CDYL2: variants seen among roughly 807,000 people sequenced by gnomAD.
The protein encoded by CDYL2 is chromodomain Y like 2.
In CDYL2, 23 loss-of-function variants were observed where a neutral mutation model predicts 49.4. The ratio of observed to expected loss-of-function variants is 0.47; its 90% CI spans 0.34 to 0.66. The LOEUF (loss-of-function observed/expected upper bound fraction) is 0.66, where lower values mean the gene tolerates loss of function less well. Among genes scored for constraint, CDYL2 ranks in the 30% least tolerant of loss-of-function variants. The probability of loss-of-function intolerance (pLI) is 0.01; values close to 1 mark genes in which losing one functional copy is unlikely to be tolerated. For synonymous variants in CDYL2, 360 were observed against 268.8 expected, an observed-to-expected ratio of 1.34 and a Z score of -3.32; for missense variants, 678 against 656.4, an observed-to-expected ratio of 1.03 and a Z score of -0.36.
chr16:80,747,574 T>C (rs1597113252), intron 1 of CDYL2, among the ~76,000 whole-genome samples: 1 of 152,156 alleles, frequency 6.6e-6, no homozygotes, highest in East Asian at 1.9e-4. Flanking sequence ...TGGTGAATAG[T>C]AGCTGGTGGG....
chr16:80,780,704 C>A (rs1907236767), intron 1 of CDYL2, among the ~76,000 whole-genome samples: 1 of 151,988 alleles, frequency 6.6e-6, no homozygotes, highest in South Asian at 2.1e-4. Context: ...GCGCCCGGCC[C>A]AGATGTACAA....
chr16:80,669,477 T>C (rs928278828), intron 2 of CDYL2, among the ~76,000 whole-genome samples: 4 of 151,336 alleles, frequency 2.6e-5, no homozygotes, highest in African/African-American at 9.7e-5. Context: ...AGGAGCCGCG[T>C]CAAGCAGATG....
chr16:80,748,420 G>A (rs1004708553), intron 1 of CDYL2, among the ~76,000 whole-genome samples: 4 of 145,962 alleles, frequency 2.7e-5, no homozygotes, highest in African/African-American at 1.0e-4. Flanking sequence ...CCAGCTACTT[G>A]GGAGGCTGAG....
chr16:80,652,854 C>T (rs1908643438), intron 2 of CDYL2, among the ~76,000 whole-genome samples: 1 of 152,172 alleles, frequency 6.6e-6, no homozygotes, highest in Non-Finnish European at 1.5e-5. Context: ...TACCAAGCAG[C>T]TCTCCTCAAA....
At chr16:80,646,743 T>C (rs1488011503) in intron 2 of CDYL2, among the ~76,000 whole-genome samples, 4 of 152,002 alleles carry the variant, frequency 2.6e-5, no homozygotes, top group Non-Finnish European at 5.9e-5. Flanking sequence ...GAGCCAAGAT[T>C]GCGCCACTGC....
intron 2 of CDYL2, among the ~76,000 whole-genome samples, chr16:80,682,238 G>A (rs1303293846): frequency 6.6e-6 from 1 of 152,150 alleles, no homozygotes; most frequent in Non-Finnish European, 1.5e-5. Flanking sequence ...ACAAAATAGA[G>A]GCCAGCATTG....
intron 1 of CDYL2, among the ~76,000 whole-genome samples, chr16:80,706,923 C>T (rs1024162798): frequency 5.3e-5 from 8 of 152,142 alleles, no homozygotes; most frequent in African/African-American, 1.9e-4. Flanking sequence ...ATCACACCTA[C>T]AGACTTGTCT....
chr16:80,608,058 A>G (rs1793655323), intron 6 of CDYL2, 34 bp downstream of exon 6: 1 of 1,533,574 alleles, frequency 6.5e-7, no homozygotes, highest in Non-Finnish European at 8.8e-7. Flanking sequence ...GGGTCTATCA[A>G]AAGGACAAGC....
At chr16:80,631,149 C>T (rs999624653) in intron 3 of CDYL2, among the ~76,000 whole-genome samples, 2 of 152,230 alleles carry the variant, frequency 1.3e-5, no homozygotes, top group Non-Finnish European at 2.9e-5. Context: ...CTTGGTTAAG[C>T]TGTGAGACCC....
At chr16:80,776,248 A>G (rs1050579315) in intron 1 of CDYL2, among the ~76,000 whole-genome samples, 1 of 152,158 alleles carries the variant, frequency 6.6e-6, no homozygotes, top group African/African-American at 2.4e-5. Flanking sequence ...AAGTAAGTTA[A>G]GCACTCAATT....
At chr16:80,716,845 G>C (rs576193988) in intron 1 of CDYL2, among the ~76,000 whole-genome samples, 2 of 151,464 alleles carry the variant, frequency 1.3e-5, no homozygotes, top group Admixed American at 1.3e-4. Flanking sequence ...ATGGATAGAT[G>C]ATGTATGTAA....
At chr16:80,762,414 A>G (rs112450040) in intron 1 of CDYL2, among the ~76,000 whole-genome samples, 128 of 152,308 alleles carry the variant, frequency 8.4e-4, no homozygotes, top group African/African-American at 2.7e-3. Flanking sequence ...ATATGACTAC[A>G]GTCCATACAA....
intron 1 of CDYL2, among the ~76,000 whole-genome samples, chr16:80,753,113 G>A (rs1056487210): frequency 1.1e-4 from 17 of 152,070 alleles, no homozygotes; most frequent in Non-Finnish European, 2.1e-4. Context: ...GTTTCCTAAG[G>A]TCTGAGAAGT....
intron 1 of CDYL2, among the ~76,000 whole-genome samples, chr16:80,749,191 T>C (rs2142560927): frequency 6.6e-6 from 1 of 152,308 alleles, no homozygotes; most frequent in East Asian, 1.9e-4. Flanking sequence ...TCCTCTGGTA[T>C]TCTTATTTTA....
At chr16:80,751,493 T>C (rs758839130) in intron 1 of CDYL2, among the ~76,000 whole-genome samples, 1 of 152,038 alleles carries the variant, frequency 6.6e-6, no homozygotes, top group South Asian at 2.1e-4. Context: ...CTTTCAACAG[T>C]TTTACAGAGC....
At chr16:80,710,250 C>G (rs1043502656) in intron 1 of CDYL2, among the ~76,000 whole-genome samples, 2 of 152,116 alleles carry the variant, frequency 1.3e-5, no homozygotes, top group Admixed American at 1.3e-4. Context: ...TTTAAGAATG[C>G]TCAAGTCATA....
chr16:80,680,239 C>T (rs150671659), intron 2 of CDYL2, among the ~76,000 whole-genome samples: 8 of 152,128 alleles, frequency 5.3e-5, no homozygotes, highest in Non-Finnish European at 1.0e-4. Flanking sequence ...TCTGCAAACA[C>T]TGAATCATGC....
chr16:80,794,109 A>T (rs1403055656), intron 1 of CDYL2, among the ~76,000 whole-genome samples: 2 of 152,230 alleles, frequency 1.3e-5, no homozygotes, highest in Non-Finnish European at 2.9e-5. Flanking sequence ...CCTCTAACAC[A>T]CAATATTGTC....
At chr16:80,766,810 A>G (rs1906742566) in intron 1 of CDYL2, among the ~76,000 whole-genome samples, 1 of 152,240 alleles carries the variant, frequency 6.6e-6, no homozygotes, top group African/African-American at 2.4e-5. Context: ...TAGCATTTAA[A>G]AGGAAGAAAG....
Sources: gnomAD v4.1 joint callset for allele counts (sites outside exome capture counted in the v4.1 genomes callset) on GRCh38, gnomAD v4.1.1 for gene constraint, MANE v1.5 for transcripts, NCBI Gene and HGNC (gene_info 2026-07-23, HGNC 2026-07-21) for gene names.